Variants in C8orf34 observed in about 807,000 individuals in gnomAD.
C8orf34 encodes uncharacterized protein C8orf34.
A neutral mutation model predicts 68.3 loss-of-function variants in C8orf34; 65 were observed. The observed-to-expected ratio is 0.95, with a 90% CI of 0.78 to 1.17. The LOEUF (loss-of-function observed/expected upper bound fraction) is 1.17, where lower values mean the gene tolerates loss of function less well. Ranked by LOEUF, C8orf34 falls within the 50% of genes most tolerant of loss-of-function variation. C8orf34 has a pLI of 0.00. For missense variants in C8orf34, 664 were observed against 655.4 expected, an observed-to-expected ratio of 1.01 and a Z score of -0.14; for synonymous variants, 244 against 241.2, an observed-to-expected ratio of 1.01 and a Z score of -0.11.
At chr8:68,748,475 G>T (rs538953639) in intron 10 of C8orf34, among the ~76,000 whole-genome samples, 1,788 of 150,942 alleles carry the variant, frequency 0.012, 38 homozygotes, top group African/African-American at 0.041. Flanking sequence ...GAAAATTTTT[G>T]CAACCTACTC....
At chr8:68,441,242 A>G (rs567333341) in intron 2 of C8orf34, among the ~76,000 whole-genome samples, 2 of 152,220 alleles carry the variant, frequency 1.3e-5, no homozygotes, top group Admixed American at 1.3e-4. Context: ...TCTCATCTGG[A>G]GGCTGGACTA....
At chr8:68,729,883 A>G (rs566950680) in intron 10 of C8orf34, among the ~76,000 whole-genome samples, 1 of 152,282 alleles carries the variant, frequency 6.6e-6, no homozygotes, top group African/African-American at 2.4e-5. Flanking sequence ...AACATTTTAA[A>G]TGTTTCCAAT....
intron 8 of C8orf34, among the ~76,000 whole-genome samples, chr8:68,679,379 A>T (rs773265362): frequency 2.0e-5 from 3 of 152,124 alleles, no homozygotes; most frequent in African/African-American, 7.2e-5. Flanking sequence ...AAGAAGTGAA[A>T]GGTCTCTACA....
chr8:68,804,712 G>C (rs902629502), intron 12 of C8orf34, among the ~76,000 whole-genome samples: 2 of 152,152 alleles, frequency 1.3e-5, no homozygotes, highest in Non-Finnish European at 2.9e-5. Context: ...CGGGGAGGTC[G>C]ATGCTGCAGT....
At position 68,412,118 on chromosome 8, in the gene C8orf34, G is replaced by T. The variant is rs187203115; in HGVS notation, c.328-27381G>T. 2.8e-3 allele frequency among the ~76,000 whole-genome samples: 429 copies of T among 152,272 alleles called. 1 individual carries two copies. Among genetic ancestry groups the T allele is most frequent in the African/African-American group, 8.7e-3 (361 of 41,552 alleles). On this transcript the variant is annotated intron_variant, in intron 1 of 13. Coordinates refer to ENST00000518698, the MANE Select transcript of C8orf34 (RefSeq NM_052958.4). ...TGGCGCCTTGATCTTGGACTTCTCA[G>T]CCTCCAGAACTGTGAACAATAAATT...
chr8:68,400,757 G>A (rs1235618877), intron 1 of C8orf34, among the ~76,000 whole-genome samples: 2 of 152,078 alleles, frequency 1.3e-5, no homozygotes, highest in African/African-American at 4.8e-5. Flanking sequence ...GTACCATGCT[G>A]TTTTGGTTAC....
At chr8:68,526,840 G>T (rs1563508460) in intron 6 of C8orf34, among the ~76,000 whole-genome samples, 1 of 152,138 alleles carries the variant, frequency 6.6e-6, no homozygotes, top group Non-Finnish European at 1.5e-5. Flanking sequence ...TGCTCAGAAA[G>T]AAAGCGTGAA....
intron 7 of C8orf34, among the ~76,000 whole-genome samples, chr8:68,567,223 T>G (rs1816618324): frequency 6.6e-6 from 1 of 152,200 alleles, no homozygotes; most frequent in South Asian, 2.1e-4. Flanking sequence ...TCTTTGAATG[T>G]CTTGTACAAT....
At chr8:68,479,935 C>G (rs1812787346) in intron 4 of C8orf34, among the ~76,000 whole-genome samples, 1 of 152,196 alleles carries the variant, frequency 6.6e-6, no homozygotes, top group Non-Finnish European at 1.5e-5. Flanking sequence ...ATGTTCTAAG[C>G]ATGATTTTTA....
In C8orf34 at chr8:68,773,891, G is replaced by T. The variant is rs553474298; in HGVS notation, c.1405-2508G>T. ...CAAGAAGCTTGCTTTATTTATATTC[G>T]ATCATTAAGAAAACCCACGGTCATC... is the stretch of plus-strand genomic sequence containing the variant. On this transcript the variant is annotated intron_variant, in intron 10 of 13. Coordinates refer to ENST00000518698, the MANE Select transcript of C8orf34 (RefSeq NM_052958.4). 6.6e-5 allele frequency among the ~76,000 whole-genome samples: 10 copies of T among 152,128 alleles called. 1 individual carries two copies. The East Asian group carries it at 1.9e-3, about 29-fold the overall frequency.
chr8:68,537,835 G>A (rs1033250033), intron 7 of C8orf34, among the ~76,000 whole-genome samples: 4 of 151,700 alleles, frequency 2.6e-5, no homozygotes, highest in East Asian at 3.9e-4. Context: ...TTTGCAAATC[G>A]TAGAGATTAT....
chr8:68,781,431 G>A (rs904741768), intron 11 of C8orf34, among the ~76,000 whole-genome samples: 3 of 152,154 alleles, frequency 2.0e-5, no homozygotes, highest in Non-Finnish European at 2.9e-5. Context: ...TTTAGAAAAA[G>A]AATGAATAGG....
At chr8:68,645,944 C>T (rs1260881260) in intron 8 of C8orf34, among the ~76,000 whole-genome samples, 1 of 152,180 alleles carries the variant, frequency 6.6e-6, no homozygotes, top group African/African-American at 2.4e-5. Flanking sequence ...ACCTCAGAAG[C>T]AATGTCTCTC....
intron 8 of C8orf34, among the ~76,000 whole-genome samples, chr8:68,674,197 C>A (rs573186408): frequency 6.6e-6 from 1 of 151,632 alleles, no homozygotes; most frequent in Non-Finnish European, 1.5e-5. Context: ...AAGCCCAGAC[C>A]GTAAAGATTA....
At chr8:68,343,660 C>G (rs1806164981) in intron 1 of C8orf34, among the ~76,000 whole-genome samples, 1 of 151,048 alleles carries the variant, frequency 6.6e-6, no homozygotes, top group Non-Finnish European at 1.5e-5. Context: ...GTGGCACAAT[C>G]TCAGCTCACT....
At chr8:68,540,776 A>G (rs1327016374) in intron 7 of C8orf34, among the ~76,000 whole-genome samples, 5 of 152,136 alleles carry the variant, frequency 3.3e-5, no homozygotes, top group African/African-American at 1.2e-4. Context: ...CAGGAGGCGG[A>G]GGTTGCAGTG....
intron 8 of C8orf34, among the ~76,000 whole-genome samples, chr8:68,660,529 T>C (rs987443678): frequency 3.3e-5 from 5 of 152,294 alleles, no homozygotes; most frequent in African/African-American, 1.2e-4. Context: ...GTCTATGCCA[T>C]GGATACTAGC....
chr8:68,462,321 G>C (rs1811875771), intron 3 of C8orf34, among the ~76,000 whole-genome samples: 1 of 152,136 alleles, frequency 6.6e-6, no homozygotes, highest in African/African-American at 2.4e-5. Context: ...AAGGGACTTA[G>C]ACTCCCACAC....
intron 2 of C8orf34, 26 bp downstream of exon 2, chr8:68,439,672 A>T (rs1166710898): frequency 6.3e-7 from 1 of 1,585,958 alleles, no homozygotes; most frequent in Admixed American, 1.9e-5. Context: ...CTATGCAGTT[A>T]ATTTGGGATT....
Sources: gnomAD v4.1 joint callset for allele counts (sites outside exome capture counted in the v4.1 genomes callset) on GRCh38, gnomAD v4.1.1 for gene constraint, MANE v1.5 for transcripts, NCBI Gene and HGNC (gene_info 2026-07-23, HGNC 2026-07-21) for gene names.